UTRN: variants seen among roughly 807,000 people sequenced by gnomAD.
The protein encoded by UTRN is utrophin.
Under a neutral mutation model 463.9 loss-of-function variants are expected in UTRN, and 283 were observed. That is an observed-to-expected ratio of 0.61 (90% CI 0.55 to 0.67). The LOEUF is 0.67. Among genes scored for constraint, UTRN ranks in the 30% least tolerant of loss-of-function variants. The pLI, the probability that UTRN is intolerant of heterozygous loss-of-function variation, is 0.00. For synonymous variants in UTRN, 1,442 were observed against 1,431.5 expected (o/e 1.01, Z -0.17); for missense variants, 3,922 against 4,084.3 (o/e 0.96, Z 1.08).
intron 51 of UTRN, among the ~76,000 whole-genome samples, chr6:144,675,228 C>G (rs1562746990): frequency 6.6e-6 from 1 of 152,122 alleles, no homozygotes; most frequent in African/African-American, 2.4e-5. Flanking sequence ...TTGTGCTCTT[C>G]TGCGTCTAGC....
intron 56 of UTRN, 77 bp downstream of exon 56, chr6:144,752,029 T>A (rs1304289680): frequency 7.5e-7 from 1 of 1,335,036 alleles, no homozygotes; most frequent in Admixed American, 2.9e-5. Context: ...ATATTACCAC[T>A]CACCGTTTTC....
rs117257482 is a variant in UTRN at position 144,641,231 on chromosome 6, T to C, written c.7480-37175T>C. 2.1e-3 allele frequency among the ~76,000 whole-genome samples: 327 copies of C among 152,184 alleles called. 10 individuals are homozygous for C. The East Asian group carries it at 0.051, about 24-fold the overall frequency. On this transcript the variant is annotated intron_variant, in intron 51 of 74. Coordinates refer to ENST00000367545, the MANE Select transcript of UTRN (RefSeq NM_007124.3). Reference sequence around the variant, plus strand: ...AATACATCAATCAATACATTTAAGATTTACATTGGTTCGATCTGGAAGGGT... The same window carrying C: ...AATACATCAATCAATACATTTAAGACTTACATTGGTTCGATCTGGAAGGGT...
Position 144,485,425 on chromosome 6 carries a change from A to T in UTRN, c.3728A>T (p.Asp1243Val), listed in dbSNP as rs1356369891. Reference sequence around the variant, plus strand: ...TGGATTGAACTGCTTCACTATTTGGATCTTGAAACTACCTGGTTAAACACT... The same window carrying T: ...TGGATTGAACTGCTTCACTATTTGGTTCTTGAAACTACCTGGTTAAACACT... ...SCWIELLHYL[D>V]LETTWLNTLE... The change falls in exon 28 of 75, where the codon GAT becomes GTT. Residue 1243 changes from aspartate (D) to valine (V), a missense_variant. Asp to Val is a radical substitution (Grantham distance 152). Transcript: ENST00000367545. 1.2e-6 allele frequency: 2 copies of T among 1,614,084 alleles called. No homozygotes were observed. The highest frequency in any genetic ancestry group is 2.2e-5 in the East Asian group (1 of 44,874).
chr6:144,352,177 C>T (rs1778165592), intron 2 of UTRN, among the ~76,000 whole-genome samples: 1 of 152,152 alleles, frequency 6.6e-6, no homozygotes, highest in Non-Finnish European at 1.5e-5. Context: ...CCCACCCATG[C>T]AATCTAGCAT....
intron 2 of UTRN, among the ~76,000 whole-genome samples, chr6:144,299,955 A>T (rs1331688065): frequency 6.6e-6 from 1 of 152,170 alleles, no homozygotes. Flanking sequence ...TTTGCCTACC[A>T]TTCTTTAAAA....
At chr6:144,451,926 C>A (rs1294476158) in intron 18 of UTRN, among the ~76,000 whole-genome samples, 2 of 152,056 alleles carry the variant, frequency 1.3e-5, no homozygotes, top group African/African-American at 4.8e-5. Flanking sequence ...AAAATAAATA[C>A]AATTAAAAGG....
intron 53 of UTRN, among the ~76,000 whole-genome samples, chr6:144,722,153 C>T (rs1201041237): frequency 1.3e-5 from 2 of 152,174 alleles, no homozygotes; most frequent in African/African-American, 4.8e-5. Context: ...TGATAGAAAA[C>T]ATTTTAACAG....
In UTRN at chr6:144,447,776, A is replaced by C; in HGVS notation, c.1897A>C (p.Asn633His). 1 of 1,606,886 alleles carries C rather than the reference A, an allele frequency of 6.2e-7. No individual in the cohort carries two copies. Among genetic ancestry groups the C allele is most frequent in the Non-Finnish European group, 8.5e-7 (1 of 1,176,370 alleles). The change falls in exon 16 of 75, where the codon AAC (asparagine) becomes CAC (histidine). Residue 633 changes from asparagine to histidine, a missense_variant. Around this residue, in one of 3 missense-constraint regions of UTRN, gnomAD observed 2,349 missense variants for 2,303.8 expected, o/e 1.02. Transcript: ENST00000367545. The part of the protein sequence containing the change: ...SLVQRLEDSS[N>H]QVTQAVAKLG... ...GGTTCAGAGACTAGAAGATTCCTCC[A>C]ACCAGGTACTTTTTGATTTGGATCA...
intron 66 of UTRN, among the ~76,000 whole-genome samples, chr6:144,824,614 C>CTCTCTTTTTT (rs1315487327): frequency 1.6e-4 from 5 of 30,876 alleles, no homozygotes; most frequent in African/African-American, 4.2e-4. Flanking sequence ...ATATATATAT[C>CTCTCTTTTTT]TTTTTTTTTT....
At chr6:144,525,611 TA>T (rs1345865844) in intron 41 of UTRN, among the ~76,000 whole-genome samples, 2 of 152,066 alleles carry the variant, frequency 1.3e-5, no homozygotes, top group East Asian at 1.9e-4. Flanking sequence ...AAATTTTATT[TA>T]TTTTTTTAGA....
At chr6:144,825,335 G>C (rs1353390280) in intron 66 of UTRN, among the ~76,000 whole-genome samples, 1 of 152,146 alleles carries the variant, frequency 6.6e-6, no homozygotes, top group East Asian at 1.9e-4. Flanking sequence ...TTATTTCCAA[G>C]GCTTTGTAAT....
chr6:144,625,470 G>A (rs1261434222), intron 51 of UTRN, among the ~76,000 whole-genome samples: 1 of 152,128 alleles, frequency 6.6e-6, no homozygotes, highest in African/African-American at 2.4e-5. Flanking sequence ...TCTTGACTTT[G>A]TTGGTTTTCA....
At chr6:144,809,608 G>A (rs889652877) in intron 65 of UTRN, among the ~76,000 whole-genome samples, 11 of 152,066 alleles carry the variant, frequency 7.2e-5, no homozygotes, top group African/African-American at 2.4e-4. Context: ...ACTAAAAGTG[G>A]TTTTAAGTTA....
At position 144,778,830 on chromosome 6, in the gene UTRN, T is replaced by A. The variant is rs573328039; in HGVS notation, c.8633-3092T>A. 9.2e-5 allele frequency among the ~76,000 whole-genome samples: 14 copies of A among 152,252 alleles called. No individual in the cohort carries two copies. In the South Asian group the frequency reaches 2.7e-3, roughly 29 times the overall value. ...GATAGAAAATGATTATGCTGTTTGT[T>A]TCATTTACCACATGACTGAGCTGTC... On this transcript the variant is annotated intron_variant, in intron 60 of 74. Coordinates refer to ENST00000367545, the MANE Select transcript of UTRN (RefSeq NM_007124.3).
At chr6:144,339,703 G>A (rs1468261263) in intron 2 of UTRN, among the ~76,000 whole-genome samples, 1 of 152,142 alleles carries the variant, frequency 6.6e-6, no homozygotes, top group Non-Finnish European at 1.5e-5. Flanking sequence ...CAGAAGTCTA[G>A]TTTTCTAGGA....
intron 23 of UTRN, among the ~76,000 whole-genome samples, chr6:144,470,252 G>A (rs142766631): frequency 0.093 from 14,166 of 151,958 alleles, 840 homozygotes; most frequent in South Asian, 0.23. Context: ...GGGCAGAGGG[G>A]TTCCCCACTT....
intron 54 of UTRN, among the ~76,000 whole-genome samples, chr6:144,733,196 A>G (rs970899843): frequency 6.6e-6 from 1 of 152,130 alleles, no homozygotes; most frequent in Non-Finnish European, 1.5e-5. Flanking sequence ...ATGGAACACA[A>G]TCCTTGTACA....
At chr6:144,370,129 T>C (rs1327487280) in intron 2 of UTRN, among the ~76,000 whole-genome samples, 1 of 152,126 alleles carries the variant, frequency 6.6e-6, no homozygotes, top group East Asian at 1.9e-4. Context: ...TTTGAAGAAC[T>C]TGGAGGGCTT....
At chr6:144,712,598 A>G (rs375264154) in intron 53 of UTRN, among the ~76,000 whole-genome samples, 1 of 152,364 alleles carries the variant, frequency 6.6e-6, no homozygotes, top group East Asian at 1.9e-4. Flanking sequence ...TGTTTGCTGC[A>G]TACTTTGCTA....
Sources: allele counts gnomAD v4.1 joint callset (sites outside exome capture counted in the v4.1 genomes callset), GRCh38; gene constraint gnomAD v4.1.1; regional missense constraint gnomAD v4.1.1; transcripts MANE v1.5; gene names NCBI Gene and HGNC (gene_info 2026-07-23, HGNC 2026-07-21).